Variants in PLPP4 observed in about 807,000 individuals in gnomAD.
The protein encoded by PLPP4 is phospholipid phosphatase 4, also known as diacylglycerol pyrophosphate like 2.
Under a neutral mutation model 32.2 loss-of-function variants are expected in PLPP4, and 20 were observed. The ratio of observed to expected loss-of-function variants is 0.62; its 90% CI spans 0.44 to 0.90. The LOEUF (loss-of-function observed/expected upper bound fraction) is 0.90. Among genes scored for constraint, PLPP4 ranks in the 40% least tolerant of loss-of-function variants. The probability of loss-of-function intolerance (pLI) is 0.00; values close to 1 mark genes in which losing one functional copy is unlikely to be tolerated. For synonymous variants in PLPP4, 127 were observed against 133.0 expected, an observed-to-expected ratio of 0.95 and a Z score of 0.31; for missense variants, 257 against 353.1, an observed-to-expected ratio of 0.73 and a Z score of 2.18.
At chr10:120,504,478 A>C (rs977621378) in intron 2 of PLPP4, among the ~76,000 whole-genome samples, 9 of 152,384 alleles carry the variant, frequency 5.9e-5, no homozygotes, top group African/African-American at 2.2e-4. Context: ...GGCATAAGCT[A>C]TAAGCTAAGA....
In PLPP4 at chr10:120,491,292, G is replaced by C. The variant is rs149870885; in HGVS notation, c.57-12526G>C. Reference sequence around the variant, plus strand: ...GCCACTGTGATGTTCACTTTCGCCAGTACCTCATCACTCAAAGTTATTAAG... The same window carrying C: ...GCCACTGTGATGTTCACTTTCGCCACTACCTCATCACTCAAAGTTATTAAG... On this transcript the variant is annotated intron_variant, in intron 1 of 6. Coordinates refer to ENST00000398250, the MANE Select transcript of PLPP4 (RefSeq NM_001030059.3). Among the ~76,000 whole-genome samples, 204 of 152,304 alleles carry C rather than the reference G, an allele frequency of 1.3e-3. 1 individual carries two copies. The highest frequency in any genetic ancestry group is 4.7e-3 in the African/African-American group (197 of 41,558).
intron 5 of PLPP4, among the ~76,000 whole-genome samples, chr10:120,528,663 A>T (rs1265725544): frequency 6.6e-6 from 1 of 152,156 alleles, no homozygotes; most frequent in Non-Finnish European, 1.5e-5. Flanking sequence ...TGCCAAATAA[A>T]GGAAGACTCC....
chr10:120,496,080 T>C (rs1844951572), intron 1 of PLPP4, among the ~76,000 whole-genome samples: 1 of 152,328 alleles, frequency 6.6e-6, no homozygotes, highest in East Asian at 1.9e-4. Flanking sequence ...TATAATCTTT[T>C]GTTATTTATA....
intron 5 of PLPP4, among the ~76,000 whole-genome samples, chr10:120,548,709 T>C (rs1391531543): frequency 6.6e-6 from 1 of 152,100 alleles, no homozygotes; most frequent in Non-Finnish European, 1.5e-5. Context: ...TGTATAAGCA[T>C]TCTGTTTCCA....
chr10:120,502,880 T>TC (rs1845325746), intron 1 of PLPP4, among the ~76,000 whole-genome samples: 1 of 152,108 alleles, frequency 6.6e-6, no homozygotes, highest in Admixed American at 6.5e-5. Flanking sequence ...TTTCTCCTCC[T>TC]CTCCCGCTCC....
At chr10:120,550,217 G>A (rs1417265990) in intron 5 of PLPP4, among the ~76,000 whole-genome samples, 2 of 151,816 alleles carry the variant, frequency 1.3e-5, no homozygotes, top group African/African-American at 4.8e-5. Flanking sequence ...CCATTTATAG[G>A]TACTTAGGAA....
chr10:120,502,874 T>C lies in PLPP4; in HGVS notation c.57-944T>C, dbSNP rs141261822. Among the ~76,000 whole-genome samples the C allele has an allele frequency of 2.7e-4, 41 of 152,238 alleles. No homozygotes were observed. The East Asian group carries it at 7.9e-3, about 29-fold the overall frequency. On this transcript the variant is annotated intron_variant, in intron 1 of 6. Transcript: ENST00000398250. ...GTTTCCTAGGAGAAGCTCAGCTTTC[T>C]CCTCCTCTCCCGCTCCCCTGCGCTC...
At chr10:120,553,873 C>T (rs1379681529) in intron 5 of PLPP4, among the ~76,000 whole-genome samples, 1 of 152,214 alleles carries the variant, frequency 6.6e-6, no homozygotes, top group East Asian at 1.9e-4. Context: ...TTCTTCTCTC[C>T]TAGGGATCTA....
chr10:120,476,114 G>T (rs1370383920), intron 1 of PLPP4, among the ~76,000 whole-genome samples: 1 of 152,178 alleles, frequency 6.6e-6, no homozygotes, highest in Non-Finnish European at 1.5e-5. Context: ...GGCTGCAGTG[G>T]AGCTGGGACT....
At chr10:120,469,782 G>C (rs956719218) in intron 1 of PLPP4, among the ~76,000 whole-genome samples, 2 of 152,014 alleles carry the variant, frequency 1.3e-5, no homozygotes, top group African/African-American at 4.8e-5. Context: ...TTTATTTATA[G>C]CTTAATTTTT....
intron 1 of PLPP4, among the ~76,000 whole-genome samples, chr10:120,488,599 T>C (rs1361034600): frequency 6.6e-6 from 1 of 152,204 alleles, no homozygotes; most frequent in African/African-American, 2.4e-5. Flanking sequence ...CCTACAGTTG[T>C]AAAGTAATCA....
At chr10:120,514,050 A>G (rs778659135) in intron 3 of PLPP4, 49 bp downstream of exon 3, 5 of 1,329,136 alleles carry the variant, frequency 3.8e-6, no homozygotes, top group Non-Finnish European at 5.4e-6. Flanking sequence ...GACCTTAATT[A>G]GATGATCACA....
chr10:120,495,903 A>G (rs1236963230), intron 1 of PLPP4, among the ~76,000 whole-genome samples: 2 of 152,076 alleles, frequency 1.3e-5, no homozygotes, highest in Admixed American at 6.6e-5. Context: ...TTATTACTGA[A>G]CAGAATATTC....
In PLPP4 at chr10:120,589,531, C is replaced by T. The variant is rs757378778; in HGVS notation, c.*29C>T. On this transcript the variant is annotated 3_prime_UTR_variant, in exon 7 of 7. Transcript: ENST00000398250. Reference sequence around the variant, plus strand: ...GTGTCCTGGGAGGATGGACACTAAGCCCTGGGCACATCTGCCACCCTGACA... The same window carrying T: ...GTGTCCTGGGAGGATGGACACTAAGTCCTGGGCACATCTGCCACCCTGACA... The T allele has an allele frequency of 5.1e-6, 8 of 1,572,722 alleles. No individual in the cohort carries two copies. The South Asian group carries it at 7.8e-5, about 15-fold the overall frequency.
chr10:120,574,168 A>ACACTCTCTCTCTCT (rs1849090021), intron 5 of PLPP4, among the ~76,000 whole-genome samples: 1 of 47,090 alleles, frequency 2.1e-5, no homozygotes, highest in Non-Finnish European at 4.1e-5. Context: ...ACACACACAC[A>ACACTCTCTCTCTCT]CTCTCTCTCT....
At chr10:120,538,085 T>TGTGTGTGTGTGTG (rs71019774) in intron 5 of PLPP4, among the ~76,000 whole-genome samples, 10 of 127,606 alleles carry the variant, frequency 7.8e-5, no homozygotes, top group African/African-American at 8.9e-5. Context: ...TGTGTGTGTG[T>TGTGTGTGTGTGTG]TTTCAGATTC....
intron 5 of PLPP4, among the ~76,000 whole-genome samples, chr10:120,547,199 A>G (rs1847666200): frequency 6.6e-6 from 1 of 152,118 alleles, no homozygotes; most frequent in Non-Finnish European, 1.5e-5. Flanking sequence ...CCTGAAATAA[A>G]TGTTTAGTTA....
intron 5 of PLPP4, among the ~76,000 whole-genome samples, chr10:120,565,112 A>G (rs1351861852): frequency 6.6e-6 from 1 of 152,146 alleles, no homozygotes; most frequent in African/African-American, 2.4e-5. Context: ...TCTGATCGAT[A>G]ATATGTTCTA....
At chr10:120,522,843 C>CT (rs1846215862) in intron 5 of PLPP4, among the ~76,000 whole-genome samples, 1 of 152,158 alleles carries the variant, frequency 6.6e-6, no homozygotes. Flanking sequence ...AATCCTTTCG[C>CT]TATGTGTATT....
Sources: allele counts gnomAD v4.1 joint callset (sites outside exome capture counted in the v4.1 genomes callset), GRCh38; gene constraint gnomAD v4.1.1; transcripts MANE v1.5; gene names NCBI Gene and HGNC (gene_info 2026-07-23, HGNC 2026-07-21).